The following ZNF678 variants were observed in gnomAD, a reference collection of about 807,000 sequenced individuals.
The protein encoded by ZNF678 is hypothetical protein MGC42493.
Under a neutral mutation model 3.0 loss-of-function variants are expected in ZNF678, and 5 were observed. That is an observed-to-expected ratio of 1.69 (90% CI 0.88 to 3.56). ZNF678 has a LOEUF of 3.56. ZNF678 is among the 30% of genes most tolerant of loss of function. The probability of loss-of-function intolerance (pLI) is 0.00; values close to 1 mark genes in which losing one functional copy is unlikely to be tolerated. For synonymous variants in ZNF678, 218 were observed against 199.6 expected (o/e 1.09, Z -0.78); for missense variants, 593 against 605.0 (o/e 0.98, Z 0.21).
chr1:227,621,208 T>C (rs1413954550), intron 1 of ZNF678, among the ~76,000 whole-genome samples: 1 of 152,192 alleles, frequency 6.6e-6, no homozygotes, highest in African/African-American at 2.4e-5. Flanking sequence ...ATCGCACCAC[T>C]GCACTCCAAC....
chr1:227,576,180 T>C (rs971420517), intron 1 of ZNF678, among the ~76,000 whole-genome samples: 1 of 152,194 alleles, frequency 6.6e-6, no homozygotes, highest in Non-Finnish European at 1.5e-5. Context: ...TTTGCATTGA[T>C]GTTCATCAAA....
In ZNF678 at chr1:227,657,444, A is replaced by G. The variant is rs1440980423; in HGVS notation, c.*1616A>G. 1 of 151,884 alleles carries G rather than the reference A, an allele frequency of 6.6e-6. No homozygotes were observed. Among genetic ancestry groups the G allele is most frequent in the South Asian group, 2.1e-4 (1 of 4,826 alleles). The allele number at this position is 151,884 out of a possible 1,614,324, so 9.4% of individuals were successfully genotyped here. ...CTAACATCCCATAGGTTATATTTTT[A>G]TTTTTTTCTTTTGTAAATACTGGAC... On this transcript the variant is annotated 3_prime_UTR_variant, in exon 4 of 4. Transcript: ENST00000343776.
chr1:227,621,141 G>A (rs1658271230), intron 1 of ZNF678, among the ~76,000 whole-genome samples: 1 of 152,170 alleles, frequency 6.6e-6, no homozygotes, highest in Non-Finnish European at 1.5e-5. Flanking sequence ...AGCTATTCTG[G>A]AGAGTGAGGT....
chr1:227,593,561 T>A (rs1346939618), intron 1 of ZNF678, among the ~76,000 whole-genome samples: 1 of 152,132 alleles, frequency 6.6e-6, no homozygotes, highest in African/African-American at 2.4e-5. Flanking sequence ...TAATGCCCAG[T>A]CTGAGGAGGG....
chr1:227,632,433 A>G (rs1162596629), intron 1 of ZNF678, among the ~76,000 whole-genome samples: 5 of 152,166 alleles, frequency 3.3e-5, no homozygotes, highest in African/African-American at 4.8e-5. Context: ...GTAGGGGCAC[A>G]TGCATGGGCG....
chr1:227,644,477 G>A (rs1304108064), intron 1 of ZNF678, among the ~76,000 whole-genome samples: 4 of 152,154 alleles, frequency 2.6e-5, no homozygotes, highest in African/African-American at 7.2e-5. Context: ...TCAGAATTGT[G>A]ATTGGTGGTC....
chr1:227,601,254 A>G (rs1206002502), intron 1 of ZNF678, among the ~76,000 whole-genome samples: 1 of 152,120 alleles, frequency 6.6e-6, no homozygotes, highest in African/African-American at 2.4e-5. Context: ...TTTTTTAAAA[A>G]AAAGTTCTGT....
At chr1:227,651,515 G>C (rs1659092552) in intron 3 of ZNF678, among the ~76,000 whole-genome samples, 1 of 152,160 alleles carries the variant, frequency 6.6e-6, no homozygotes, top group African/African-American at 2.4e-5. Flanking sequence ...CTCTGACTGG[G>C]TAGGACCTCT....
chr1:227,592,692 T>G (rs893741190), intron 1 of ZNF678, among the ~76,000 whole-genome samples: 2 of 152,236 alleles, frequency 1.3e-5, no homozygotes, highest in Non-Finnish European at 2.9e-5. Flanking sequence ...ATTGATCTGG[T>G]ATTCCTTGCG....
chr1:227,581,940 GTTAA>G (rs1209511091), intron 1 of ZNF678, among the ~76,000 whole-genome samples: 1 of 152,062 alleles, frequency 6.6e-6, no homozygotes, highest in Admixed American at 6.5e-5. Context: ...CTTTTTTCAT[GTTAA>G]TTATTTTGGT....
rs1286420307 is a variant in ZNF678 at position 227,662,121 on chromosome 1, A to G, written c.*6293A>G. On this transcript the variant is annotated 3_prime_UTR_variant, in exon 4 of 4. Transcript: ENST00000343776. ...GTGGAGGTTGGGGATTGATTCAAAC[A>G]TTAATACTTTCAAGCGTTTCTATGG... is the stretch of plus-strand genomic sequence containing the variant. The G allele has an allele frequency of 1.3e-5, 2 of 152,222 alleles. No individual in the cohort carries two copies. The highest frequency in any genetic ancestry group is 1.3e-4 in the Admixed American group (2 of 15,278). 9.4% of individuals were successfully genotyped at this position (152,222 alleles called of 1,614,324 possible).
At chr1:227,569,207 C>G (rs1352376810) in intron 1 of ZNF678, among the ~76,000 whole-genome samples, 2 of 152,176 alleles carry the variant, frequency 1.3e-5, no homozygotes, top group African/African-American at 4.8e-5. Flanking sequence ...CCAGACTGGT[C>G]TTGAACTCCT....
At chr1:227,663,967 T>A (rs1467082093), downstream of ZNF678, among the ~76,000 whole-genome samples, 1 of 151,722 alleles carries the variant, frequency 6.6e-6, no homozygotes, top group Non-Finnish European at 1.5e-5. Context: ...AGAGATGGAG[T>A]AGTTGGACCC....
intron 1 of ZNF678, among the ~76,000 whole-genome samples, chr1:227,636,008 A>G (rs1290798356): frequency 1.3e-5 from 2 of 152,156 alleles, no homozygotes; most frequent in African/African-American, 4.8e-5. Context: ...TTTTGGGGGT[A>G]TTCTTAAGAG....
chr1:227,664,576 C>T (rs1473171164), downstream of ZNF678, among the ~76,000 whole-genome samples: 1 of 152,120 alleles, frequency 6.6e-6, no homozygotes. Flanking sequence ...CCAATGCCTG[C>T]ATTGTTGGAA....
intron 1 of ZNF678, among the ~76,000 whole-genome samples, chr1:227,610,842 G>A (rs548703817): frequency 6.6e-6 from 1 of 152,284 alleles, no homozygotes; most frequent in Admixed American, 6.5e-5. Flanking sequence ...ATGATAGAAG[G>A]GGGGTTTTCT....
intron 3 of ZNF678, among the ~76,000 whole-genome samples, chr1:227,652,614 A>G (rs1659116705): frequency 6.6e-6 from 1 of 152,140 alleles, no homozygotes; most frequent in Admixed American, 6.6e-5. Flanking sequence ...GTTACAACAT[A>G]TAATAAACTG....
chr1:227,589,970 CT>C (rs1273162239), intron 1 of ZNF678, among the ~76,000 whole-genome samples: 1 of 151,768 alleles, frequency 6.6e-6, no homozygotes, highest in African/African-American at 2.4e-5. Context: ...TCACTTTTAT[CT>C]TTACCATCTG....
chr1:227,578,444 CT>C (rs202041308), intron 1 of ZNF678, among the ~76,000 whole-genome samples: 3 of 151,884 alleles, frequency 2.0e-5, no homozygotes, highest in African/African-American at 4.8e-5. Context: ...CCTTTTAACT[CT>C]TTTTTTTACA....
Sources: allele counts gnomAD v4.1 joint callset (sites outside exome capture counted in the v4.1 genomes callset), GRCh38; gene constraint gnomAD v4.1.1; transcripts MANE v1.5; gene names NCBI Gene and HGNC (gene_info 2026-07-23, HGNC 2026-07-21).